The following AGBL4 variants were observed in gnomAD, a reference collection of about 807,000 sequenced individuals.
AGBL4 encodes the protein AGBL carboxypeptidase 4.
A neutral mutation model predicts 66.4 loss-of-function variants in AGBL4; 58 were observed. The ratio of observed to expected loss-of-function variants is 0.87; its 90% CI spans 0.71 to 1.09. The LOEUF (loss-of-function observed/expected upper bound fraction) is 1.09. Among genes scored for constraint, AGBL4 ranks in the 50% least tolerant of loss-of-function variants. The probability of loss-of-function intolerance (pLI) is 0.00; values close to 1 mark genes in which losing one functional copy is unlikely to be tolerated. For missense variants in AGBL4, 579 were observed against 631.0 expected (o/e 0.92, Z 0.88); for synonymous variants, 234 against 222.9 (o/e 1.05, Z -0.44).
chr1:48,537,642 G>A (rs571698342), intron 12 of AGBL4, among the ~76,000 whole-genome samples: 2 of 152,222 alleles, frequency 1.3e-5, no homozygotes, highest in East Asian at 3.9e-4. Context: ...GATCACTAAG[G>A]TCTCCCTGAG....
At chr1:49,646,978 A>T (rs1558129453) in intron 3 of AGBL4, among the ~76,000 whole-genome samples, 1 of 152,006 alleles carries the variant, frequency 6.6e-6, no homozygotes, top group Non-Finnish European at 1.5e-5. Flanking sequence ...AAAAAAAAAA[A>T]ATCAAAAAAT....
chr1:48,561,403 T>G (rs1644395486), intron 11 of AGBL4, among the ~76,000 whole-genome samples: 1 of 152,194 alleles, frequency 6.6e-6, no homozygotes, highest in Non-Finnish European at 1.5e-5. Context: ...ATCTTTGTAC[T>G]GGGTCTTTGG....
At chr1:49,019,085 G>A (rs1166472288) in intron 5 of AGBL4, among the ~76,000 whole-genome samples, 1 of 152,156 alleles carries the variant, frequency 6.6e-6, no homozygotes, top group East Asian at 1.9e-4. Context: ...AGAATAGGAA[G>A]TATGAGCTAT....
At chr1:49,650,378 A>G (rs762612401) in intron 3 of AGBL4, among the ~76,000 whole-genome samples, 5 of 152,192 alleles carry the variant, frequency 3.3e-5, no homozygotes, top group Non-Finnish European at 5.9e-5. Context: ...CACCGCTGTG[A>G]CAAACTGCTG....
intron 3 of AGBL4, among the ~76,000 whole-genome samples, chr1:49,374,973 T>C (rs947132614): frequency 1.3e-5 from 2 of 152,134 alleles, no homozygotes; most frequent in African/African-American, 2.4e-5. Flanking sequence ...CATCTATTTC[T>C]ATTGCTTTAC....
intron 3 of AGBL4, among the ~76,000 whole-genome samples, chr1:49,597,320 G>T (rs1332613750): frequency 1.3e-5 from 2 of 152,144 alleles, no homozygotes; most frequent in South Asian, 2.1e-4. Context: ...GATATTAAAT[G>T]AACAATTTCA....
At chr1:49,832,859 A>AT (rs1645732499) in intron 2 of AGBL4, among the ~76,000 whole-genome samples, 1 of 152,002 alleles carries the variant, frequency 6.6e-6, no homozygotes, top group Admixed American at 6.6e-5. Context: ...TTTCTTATAA[A>AT]TTTGTTTGAG....
chr1:49,011,473 C>T (rs1205494407), intron 5 of AGBL4, among the ~76,000 whole-genome samples: 4 of 152,166 alleles, frequency 2.6e-5, no homozygotes, highest in South Asian at 2.1e-4. Flanking sequence ...GTCAGTGTGG[C>T]GATTCCTCAG....
chr1:48,571,695 C>T (rs1419223451), intron 11 of AGBL4, among the ~76,000 whole-genome samples: 1 of 152,174 alleles, frequency 6.6e-6, no homozygotes, highest in African/African-American at 2.4e-5. Flanking sequence ...TTATAATTTA[C>T]CACAAGTGAT....
intron 5 of AGBL4, among the ~76,000 whole-genome samples, chr1:49,021,806 T>C (rs1295825697): frequency 6.6e-6 from 1 of 152,152 alleles, no homozygotes; most frequent in African/African-American, 2.4e-5. Flanking sequence ...CTTTACACAT[T>C]TTCTGTCCTT....
At chr1:49,640,710 T>C (rs1296702055) in intron 3 of AGBL4, among the ~76,000 whole-genome samples, 1 of 152,160 alleles carries the variant, frequency 6.6e-6, no homozygotes, top group African/African-American at 2.4e-5. Context: ...TAGAAGGCCT[T>C]GGAGAGATGC....
intron 4 of AGBL4, among the ~76,000 whole-genome samples, chr1:49,092,522 C>CA (rs577099220): frequency 6.6e-6 from 1 of 151,940 alleles, no homozygotes. Context: ...CTGAATCTGA[C>CA]AAAAAAGAAT....
chr1:49,221,579 G>A (rs549975662), intron 4 of AGBL4, among the ~76,000 whole-genome samples: 10 of 152,010 alleles, frequency 6.6e-5, no homozygotes, highest in Non-Finnish European at 1.0e-4. Context: ...CCCTTGCATC[G>A]CATTTCACCG....
rs921641363 is a variant in AGBL4, at chr1:49,134,414, G to C, written c.378-88614C>G. ...TGGGGGCACTGCAGGAGACTAGGGC[G>C]TGTTTTCTCCCTATCTACAACTGCA... On this transcript the variant is annotated intron_variant, in intron 4 of 13. Coordinates refer to ENST00000371839, the MANE Select transcript of AGBL4 (RefSeq NM_032785.4). 2.6e-5 allele frequency among the ~76,000 whole-genome samples: 4 copies of C among 151,806 alleles called. No homozygotes were observed. The East Asian group carries it at 7.8e-4, about 29-fold the overall frequency.
Position 48,880,314 on chromosome 1 carries a change from G to A in AGBL4, c.595-13084C>T, listed in dbSNP as rs528581077. On this transcript the variant is annotated intron_variant, in intron 5 of 13. Transcript: ENST00000371839. ...CATTAATTCATTCCTTTTTAAGGCT[G>A]AGTAGTATTCCATCATACATATATA... 7.2e-5 allele frequency among the ~76,000 whole-genome samples: 11 copies of A among 152,310 alleles called. No individual in the cohort carries two copies. In the South Asian group the frequency reaches 2.3e-3, roughly 32 times the overall value.
chr1:48,566,647 T>C (rs1454679028), intron 11 of AGBL4, among the ~76,000 whole-genome samples: 2 of 152,258 alleles, frequency 1.3e-5, no homozygotes, highest in Non-Finnish European at 2.9e-5. Context: ...TCAGTGGACT[T>C]TGAGGCAAAG....
intron 5 of AGBL4, among the ~76,000 whole-genome samples, chr1:48,952,131 G>A (rs1557494900): frequency 6.6e-6 from 1 of 152,218 alleles, no homozygotes; most frequent in Non-Finnish European, 1.5e-5. Context: ...AGCAATAACA[G>A]TATTACTGGA....
At chr1:49,901,613 A>G (rs1015056498) in intron 1 of AGBL4, among the ~76,000 whole-genome samples, 2 of 152,160 alleles carry the variant, frequency 1.3e-5, no homozygotes, top group Admixed American at 6.5e-5. Context: ...GACAATACTG[A>G]CCAAAGCAAT....
intron 6 of AGBL4, among the ~76,000 whole-genome samples, chr1:48,705,545 G>C (rs1481741485): frequency 6.6e-6 from 1 of 152,160 alleles, no homozygotes; most frequent in Non-Finnish European, 1.5e-5. Flanking sequence ...TTGGGTCTCA[G>C]GTTTGGCAAC....
Sources: allele counts gnomAD v4.1 joint callset (sites outside exome capture counted in the v4.1 genomes callset), GRCh38; gene constraint gnomAD v4.1.1; transcripts MANE v1.5; gene names NCBI Gene and HGNC (gene_info 2026-07-23, HGNC 2026-07-21).